The following ZNF227 variants were observed in gnomAD, a reference collection of about 807,000 sequenced individuals.
ZNF227 encodes zinc finger protein 227.
ZNF227 carries 12 observed loss-of-function variants against 13.2 expected under a neutral mutation model. The ratio of observed to expected loss-of-function variants is 0.91; its 90% CI spans 0.58 to 1.47. The LOEUF (loss-of-function observed/expected upper bound fraction) is 1.47, where lower values mean the gene tolerates loss of function less well. Among genes scored for constraint, ZNF227 ranks in the 40% most tolerant of loss-of-function variants. The pLI is 0.00. For missense variants in ZNF227, 885 were observed against 967.5 expected, an observed-to-expected ratio of 0.91 and a Z score of 1.13; for synonymous variants, 338 against 326.0, an observed-to-expected ratio of 1.04 and a Z score of -0.40.
intron 3 of ZNF227, among the ~76,000 whole-genome samples, chr19:44,221,537 G>T (rs1416750932): frequency 2.0e-5 from 3 of 152,100 alleles, no homozygotes; most frequent in Non-Finnish European, 4.4e-5. Context: ...TTTTCATGTG[G>T]TTTTTGGCTG....
rs1974291365 is a variant in ZNF227 at position 44,235,117 on chromosome 19, T to C, written c.687T>C (p.Asn229=). 6.2e-7 allele frequency: 1 copy of C among 1,614,140 alleles called. No individual in the cohort carries two copies. The highest frequency in any genetic ancestry group is 2.2e-5 in the East Asian group (1 of 44,874). Reference sequence around the variant, plus strand: ...CAGAACCAAAACCCTGCAAAGGTAATGAATATGGCAAAATCATTAGTGATG... The same window carrying C: ...CAGAACCAAAACCCTGCAAAGGTAACGAATATGGCAAAATCATTAGTGATG... The part of the protein sequence containing the change: ...TDTEPKPCKG[N]EYGKIISDGS... Residue 229 remains asparagine, a synonymous_variant, in exon 6 of 6, where the codon AAT becomes AAC. Coordinates refer to ENST00000313040, the MANE Select transcript of ZNF227 (RefSeq NM_182490.3).
At chr19:44,229,526 T>C (rs1214985469) in intron 4 of ZNF227, among the ~76,000 whole-genome samples, 1 of 152,112 alleles carries the variant, frequency 6.6e-6, no homozygotes, top group East Asian at 1.9e-4. Context: ...GCAGGAGACT[T>C]GCTTGAACCC....
At chr19:44,226,170 G>T (rs1009556048) in intron 3 of ZNF227, among the ~76,000 whole-genome samples, 1 of 152,224 alleles carries the variant, frequency 6.6e-6, no homozygotes, top group African/African-American at 2.4e-5. Context: ...ACTCAGCTGT[G>T]TGAGGTGTCA....
rs201831779 is a variant in ZNF227 at position 44,236,154 on chromosome 19, C to T, written c.1724C>T (p.Pro575Leu). 250 of 1,613,908 alleles carry T rather than the reference C, an allele frequency of 1.5e-4. 1 individual carries two copies. The highest frequency in any genetic ancestry group is 2.7e-4 in the Admixed American group (16 of 59,982). The change falls in exon 6 of 6, where the codon CCA becomes CTA. Residue 575 changes from proline (P) to leucine (L), a missense_variant. Pro to Leu is a moderately conservative substitution (Grantham distance 98). Transcript: ENST00000313040. ...LHQVIHTGEK[P>L]YKCEECGKGF... ...CAAGTAATTCACACTGGAGAAAAAC[C>T]ATATAAATGTGAGGAATGTGGGAAG...
At chr19:44,213,701 A>T (rs1186746948) in intron 2 of ZNF227, 1 of 152,162 alleles carries the variant, frequency 6.6e-6, no homozygotes, top group East Asian at 1.9e-4. Context: ...AGTTATCTTA[A>T]ATAGTAATCC....
At position 44,235,232 on chromosome 19, in the gene ZNF227, CA is replaced by C; in HGVS notation, c.803del (p.His268LeufsTer184). The C allele has an allele frequency of 1.2e-6, 2 of 1,614,114 alleles. No homozygotes were observed. Among genetic ancestry groups the C allele is most frequent in the Non-Finnish European group, 1.7e-6 (2 of 1,180,016 alleles). On this transcript the variant is annotated frameshift_variant, in exon 6 of 6. Coordinates refer to ENST00000313040, the MANE Select transcript of ZNF227 (RefSeq NM_182490.3). LOFTEE classifies it low-confidence loss of function (END_TRUNC). ...CAGTTATAGCCCAAGGCTTCCCCTT[CA>C]TCCGAATGTTCATACAGGAGAAAAA... The part of the protein sequence containing the change: ...GFSYSPRLPL[H>X]PNVHTGEKCF...
At position 44,235,648 on chromosome 19, in the gene ZNF227, G is replaced by A. The variant is rs1262875229; in HGVS notation, c.1218G>A (p.Lys406=). 1 of 1,613,714 alleles carries A rather than the reference G, an allele frequency of 6.2e-7. No individual in the cohort carries two copies. The highest frequency in any genetic ancestry group is 1.3e-5 in the African/African-American group (1 of 74,794). The change falls in exon 6 of 6, where the codon AAG becomes AAA. Residue 406 remains lysine (K), a synonymous_variant. Transcript: ENST00000313040. ...ACCAGAGGGTCCACAGGGGTGAGAA[G>A]CCCTATAAATGTGAGGAATGTGGTA... ...RVHQRVHRGE[K]PYKCEECGKG...
chr19:44,228,319 G>A (rs1370508136), intron 3 of ZNF227, 127 bp from the exon 4 acceptor site: 1 of 1,097,740 alleles, frequency 9.1e-7, no homozygotes, highest in Non-Finnish European at 1.3e-6. Flanking sequence ...TGTAACAGCT[G>A]AAAATTGACT....
intron 3 of ZNF227, among the ~76,000 whole-genome samples, chr19:44,220,768 A>C (rs1024774285): frequency 6.6e-6 from 1 of 152,128 alleles, no homozygotes; most frequent in Non-Finnish European, 1.5e-5. Context: ...TTAACTCGTC[A>C]TTTAGCATTA....
At chr19:44,217,234 G>C (rs1971988337) in intron 2 of ZNF227, among the ~76,000 whole-genome samples, 1 of 152,000 alleles carries the variant, frequency 6.6e-6, no homozygotes, top group South Asian at 2.1e-4. Flanking sequence ...AAAGTGCTGG[G>C]ATTACAAGCA....
chr19:44,236,718 A>G lies in ZNF227; in HGVS notation c.2288A>G (p.Gln763Arg), dbSNP rs1974550082. Residue 763 changes from glutamine to arginine, a missense_variant, in exon 6 of 6, where the codon CAG becomes CGG. Coordinates refer to ENST00000313040, the MANE Select transcript of ZNF227 (RefSeq NM_182490.3). Reference protein sequence around the residue: ...FSQSARLEAHQRVHTGEKPYK... With the variant: ...FSQSARLEAHRRVHTGEKPYK... ...CAGAGTGCACGTCTTGAAGCCCATC[A>G]GAGAGTCCACACTGGAGAAAAACCA... The G allele has an allele frequency of 1.2e-6, 2 of 1,614,228 alleles. No homozygotes were observed. Among genetic ancestry groups the G allele is most frequent in the Non-Finnish European group, 1.7e-6 (2 of 1,180,022 alleles).
chr19:44,213,052 T>A (rs1971497321), intron 1 of ZNF227, 38 bp from the exon 2 acceptor site: 1 of 151,952 alleles, frequency 6.6e-6, no homozygotes, highest in Non-Finnish European at 1.5e-5. Flanking sequence ...GACCGAGCTC[T>A]TCCCGAACTT....
chr19:44,211,960 A>T (rs1599759030), upstream of ZNF227, among the ~76,000 whole-genome samples: 1 of 146,528 alleles, frequency 6.8e-6, no homozygotes, highest in Admixed American at 6.9e-5. Flanking sequence ...CAGTGGCACG[A>T]TCTTGGCTCA....
At chr19:44,208,165 G>C (rs1971254794), upstream of ZNF227, among the ~76,000 whole-genome samples, 2 of 152,196 alleles carry the variant, frequency 1.3e-5, no homozygotes, top group Admixed American at 6.5e-5. Context: ...TATGTGTACA[G>C]TCAAGCAGTT....
chr19:44,207,612 C>T (rs935576193), upstream of ZNF227: 1 of 152,260 alleles, frequency 6.6e-6, no homozygotes, highest in Non-Finnish European at 1.5e-5. Flanking sequence ...TGGGACCCTC[C>T]AAGTTTTCTC....
chr19:44,217,633 A>C (rs762839104), intron 2 of ZNF227, 158 bp from the exon 3 acceptor site: 2 of 832,948 alleles, frequency 2.4e-6, no homozygotes, highest in Non-Finnish European at 4.2e-6. Context: ...GCACTGAACT[A>C]TCATGCCATT....
At position 44,217,121 on chromosome 19, in the gene ZNF227, C is replaced by T. The variant is rs1456540363; in HGVS notation, c.-2-670C>T. Among the ~76,000 whole-genome samples, 4 of 151,806 alleles carry T rather than the reference C, an allele frequency of 2.6e-5. No homozygotes were observed. In the East Asian group the frequency reaches 5.8e-4, roughly 22 times the overall value. On this transcript the variant is annotated intron_variant, in intron 2 of 5. Transcript: ENST00000313040. Reference sequence around the variant, plus strand: ...GGGATTACAGACCCGCACCACCACGCCTGGCTGATTTTTTTTATTTTTGGT... The same window carrying T: ...GGGATTACAGACCCGCACCACCACGTCTGGCTGATTTTTTTTATTTTTGGT...
At position 44,235,103 on chromosome 19, in the gene ZNF227, CCCTG is replaced by C. The variant is rs745954247; in HGVS notation, c.675_678del (p.Cys226LysfsTer19). The C allele has an allele frequency of 6.2e-7, 1 of 1,614,084 alleles. No homozygotes were observed. Among genetic ancestry groups the C allele is most frequent in the Non-Finnish European group, 8.5e-7 (1 of 1,180,012 alleles). ...TATTAAAACTGACACAGAACCAAAA[CCCTG>C]CAAAGGTAATGAATATGGCAAAATC... On this transcript the variant is annotated frameshift_variant, in exon 6 of 6. Transcript: ENST00000313040. LOFTEE classifies it low-confidence loss of function (END_TRUNC).
intron 3 of ZNF227, among the ~76,000 whole-genome samples, chr19:44,222,631 T>G (rs1490347245): frequency 2.6e-5 from 4 of 151,704 alleles, no homozygotes; most frequent in Admixed American, 6.6e-5. Flanking sequence ...GAGACTTTGC[T>G]GAAGTTGCTT....
Sources: allele counts gnomAD v4.1 joint callset (sites outside exome capture counted in the v4.1 genomes callset), GRCh38; gene constraint gnomAD v4.1.1; transcripts MANE v1.5; gene names NCBI Gene and HGNC (gene_info 2026-07-23, HGNC 2026-07-21).